The following CHN1 variants were observed in gnomAD, a reference collection of about 807,000 sequenced individuals.
The protein encoded by CHN1 is N-chimaerin.
A neutral mutation model predicts 59.5 loss-of-function variants in CHN1; 37 were observed. That is an observed-to-expected ratio of 0.62 (90% CI 0.48 to 0.82). The LOEUF (loss-of-function observed/expected upper bound fraction) is 0.82, where lower values mean the gene tolerates loss of function less well. Among genes scored for constraint, CHN1 ranks in the 40% least tolerant of loss-of-function variants. The pLI is 0.00. For synonymous variants in CHN1, 206 were observed against 200.4 expected, an observed-to-expected ratio of 1.03 and a Z score of -0.24; for missense variants, 469 against 571.0, an observed-to-expected ratio of 0.82 and a Z score of 1.82.
chr2:174,955,019 C>T (rs1039087246), intron 1 of CHN1, among the ~76,000 whole-genome samples: 1 of 151,572 alleles, frequency 6.6e-6, no homozygotes, highest in Non-Finnish European at 1.5e-5. Context: ...TTCACAAATG[C>T]AAAGATATGG....
At chr2:174,890,359 A>C (rs538758873) in intron 5 of CHN1, among the ~76,000 whole-genome samples, 7 of 152,318 alleles carry the variant, frequency 4.6e-5, no homozygotes, top group Admixed American at 2.6e-4. Flanking sequence ...TAAAAGGGTC[A>C]ATTCACCAGG....
rs141683787 is a variant in CHN1, at chr2:174,978,132, C to T, written c.20-25930G>A. Among the ~76,000 whole-genome samples the T allele has an allele frequency of 2.3e-3, 348 of 152,282 alleles. 1 individual carries two copies. Among genetic ancestry groups the T allele is most frequent in the Non-Finnish European group, 4.1e-3 (277 of 68,020 alleles). ...ACATATCATCAAGTATTTCCAATTACGTGAAAAATGTTATTTTATTTTGTT... is the reference window on the plus strand; with the variant it reads ...ACATATCATCAAGTATTTCCAATTATGTGAAAAATGTTATTTTATTTTGTT... On this transcript the variant is annotated intron_variant, in intron 1 of 12. Transcript: ENST00000409900.
At chr2:174,887,251 C>A (rs1441647555) in intron 5 of CHN1, among the ~76,000 whole-genome samples, 1 of 151,952 alleles carries the variant, frequency 6.6e-6, no homozygotes, top group Non-Finnish European at 1.5e-5. Flanking sequence ...AGCTTTTTCT[C>A]TCTAATGAAG....
intron 6 of CHN1, among the ~76,000 whole-genome samples, chr2:174,871,699 C>T (rs892511788): frequency 6.6e-6 from 1 of 152,116 alleles, no homozygotes; most frequent in South Asian, 2.1e-4. Flanking sequence ...TTATTTAATG[C>T]CTGTGATAAT....
chr2:174,878,092 G>T lies in CHN1; in HGVS notation c.297C>A (p.Tyr99Ter). The change falls in exon 6 of 13, where the codon TAC becomes TAA. Residue 99 changes from tyrosine (Y) to a stop codon, truncating the protein, a stop_gained. Coordinates refer to ENST00000409900, the MANE Select transcript of CHN1 (RefSeq NM_001822.7). LOFTEE classifies it high-confidence loss of function. ...TCTCCCCAACAAAGTGCTTGCCATCGTAGTAGAGCCTGAAGTTTCTGGTTT... is the reference window on the plus strand; with the variant it reads ...TCTCCCCAACAAAGTGCTTGCCATCTTAGTAGAGCCTGAAGTTTCTGGTTT... The part of the protein sequence containing the change: ...GSQTRNFRLY[Y>*]DGKHFVGEKR... 2 of 1,590,174 alleles carry T rather than the reference G, an allele frequency of 1.3e-6. No individual in the cohort carries two copies. The highest frequency in any genetic ancestry group is 4.5e-5 in the East Asian group (2 of 44,418).
At chr2:174,947,912 T>C (rs1689895100) in intron 2 of CHN1, among the ~76,000 whole-genome samples, 1 of 152,380 alleles carries the variant, frequency 6.6e-6, no homozygotes, top group East Asian at 1.9e-4. Flanking sequence ...TTGGAATTTC[T>C]GATAATTTGA....
intron 5 of CHN1, among the ~76,000 whole-genome samples, chr2:174,880,286 G>C (rs772276276): frequency 2.6e-5 from 4 of 152,138 alleles, no homozygotes; most frequent in African/African-American, 9.7e-5. Context: ...AATTATGATT[G>C]ATCTTTTTAA....
chr2:174,862,610 C>T (rs1046789107), intron 6 of CHN1, among the ~76,000 whole-genome samples: 1 of 152,158 alleles, frequency 6.6e-6, no homozygotes, highest in Non-Finnish European at 1.5e-5. Flanking sequence ...GGATTACTGG[C>T]GTGAGCCACT....
chr2:174,945,353 T>A (rs554669305), intron 2 of CHN1: 13 of 181,968 alleles, frequency 7.1e-5, no homozygotes, highest in South Asian at 2.0e-4. Flanking sequence ...ATTTATAGGC[T>A]AAATGTAACG....
chr2:174,801,149 G>T (rs1426749579), intron 12 of CHN1, among the ~76,000 whole-genome samples: 1 of 152,128 alleles, frequency 6.6e-6, no homozygotes, highest in African/African-American at 2.4e-5. Context: ...CATGACTATC[G>T]CCTGAAAACA....
chr2:174,856,594 A>G (rs1323103457), intron 6 of CHN1, among the ~76,000 whole-genome samples: 1 of 152,182 alleles, frequency 6.6e-6, no homozygotes, highest in African/African-American at 2.4e-5. Context: ...CCAGCTGTGA[A>G]GGGAGCTTTT....
chr2:174,867,611 T>A (rs1364702640), intron 6 of CHN1, among the ~76,000 whole-genome samples: 1 of 152,154 alleles, frequency 6.6e-6, no homozygotes, highest in East Asian at 1.9e-4. Context: ...GCCATGATGG[T>A]CTTGTTCATT....
At chr2:174,833,943 C>T (rs756281074) in intron 7 of CHN1, among the ~76,000 whole-genome samples, 13 of 152,086 alleles carry the variant, frequency 8.5e-5, no homozygotes, top group Admixed American at 1.3e-4. Context: ...AGGCATGTGC[C>T]ACCACACCCA....
At chr2:174,948,066 T>C (rs933011697) in intron 2 of CHN1, among the ~76,000 whole-genome samples, 5 of 152,214 alleles carry the variant, frequency 3.3e-5, no homozygotes, top group African/African-American at 1.2e-4. Flanking sequence ...ATATACTTAT[T>C]AATGAAATTC....
intron 5 of CHN1, among the ~76,000 whole-genome samples, chr2:174,885,035 C>G (rs1408788639): frequency 2.6e-5 from 4 of 151,842 alleles, no homozygotes; most frequent in African/African-American, 4.8e-5. Flanking sequence ...TGCCTGTAAT[C>G]CCAGCACTTT....
At chr2:174,909,248 G>A (rs551019689) in intron 5 of CHN1, among the ~76,000 whole-genome samples, 87 of 152,182 alleles carry the variant, frequency 5.7e-4, no homozygotes, top group African/African-American at 1.9e-3. Context: ...TATCTAACTG[G>A]TATACACGTT....
chr2:174,844,850 C>T (rs1387097716), intron 7 of CHN1, among the ~76,000 whole-genome samples: 1 of 152,118 alleles, frequency 6.6e-6, no homozygotes, highest in Non-Finnish European at 1.5e-5. Context: ...TGTAATGCAA[C>T]TCATTGTCTA....
At chr2:174,967,539 A>G (rs76633156) in intron 1 of CHN1, among the ~76,000 whole-genome samples, 6,340 of 152,204 alleles carry the variant, frequency 0.042, 480 homozygotes, top group African/African-American at 0.14. Context: ...CCAATTCAAC[A>G]ACTTAGACTT....
At chr2:174,981,606 T>G (rs550732781) in intron 1 of CHN1, among the ~76,000 whole-genome samples, 5 of 152,270 alleles carry the variant, frequency 3.3e-5, no homozygotes, top group Middle Eastern at 3.4e-3. Context: ...TAAAATAAAT[T>G]CTTCTAATTT....
Sources: allele counts gnomAD v4.1 joint callset (sites outside exome capture counted in the v4.1 genomes callset), GRCh38; gene constraint gnomAD v4.1.1; transcripts MANE v1.5; gene names NCBI Gene and HGNC (gene_info 2026-07-23, HGNC 2026-07-21).